Variants in NKAIN3 observed in about 807,000 individuals in gnomAD.
NKAIN3 encodes the protein sodium/potassium-transporting ATPase subunit beta-1-interacting protein 3.
NKAIN3 carries 25 observed loss-of-function variants against 30.2 expected under a neutral mutation model. The ratio of observed to expected loss-of-function variants is 0.83; its 90% CI spans 0.60 to 1.16. NKAIN3 has a LOEUF of 1.16. Ranked by LOEUF, NKAIN3 falls within the 50% of genes most tolerant of loss-of-function variation. The probability of loss-of-function intolerance (pLI) is 0.00; values close to 1 mark genes in which losing one functional copy is unlikely to be tolerated. For missense variants in NKAIN3, 225 were observed against 254.1 expected (o/e 0.89, Z 0.78); for synonymous variants, 91 against 89.6 (o/e 1.02, Z -0.09).
intron 3 of NKAIN3, among the ~76,000 whole-genome samples, chr8:62,727,769 A>G (rs1815307417): frequency 6.6e-6 from 1 of 152,196 alleles, no homozygotes; most frequent in Non-Finnish European, 1.5e-5. Context: ...AGTCTTTCCC[A>G]ACTTAGTCTA....
intron 3 of NKAIN3, among the ~76,000 whole-genome samples, chr8:62,602,963 C>T (rs1531658): frequency 6.6e-6 from 1 of 151,956 alleles, no homozygotes; most frequent in Non-Finnish European, 1.5e-5. Flanking sequence ...ACGTAAGCAT[C>T]ATTATCAAGA....
chr8:62,571,962 C>A (rs1403489002), intron 1 of NKAIN3, among the ~76,000 whole-genome samples: 1 of 152,242 alleles, frequency 6.6e-6, no homozygotes, highest in Non-Finnish European at 1.5e-5. Context: ...CTGACATGCC[C>A]TGGAGACATT....
rs372474727 is a variant in NKAIN3 at position 62,390,821 on chromosome 8, C to T, written c.54+141694C>T. ...GTTGAGCTTTTTTTCATATGATTGT[C>T]GGCCACATGTATGTTTTCTTTTGAA... On this transcript the variant is annotated intron_variant, in intron 1 of 6. Coordinates refer to ENST00000623646, the MANE Select transcript of NKAIN3 (RefSeq NM_001304533.3). 2.0e-4 allele frequency among the ~76,000 whole-genome samples: 31 copies of T among 152,158 alleles called. No individual in the cohort carries two copies. The South Asian group carries it at 2.5e-3, about 12-fold the overall frequency.
intron 4 of NKAIN3, among the ~76,000 whole-genome samples, chr8:62,766,913 C>T (rs1436255882): frequency 6.6e-6 from 1 of 151,570 alleles, no homozygotes; most frequent in East Asian, 1.9e-4. Context: ...CAGCCCCACC[C>T]CCCGACCCCG....
chr8:62,722,879 C>T (rs1448414337), intron 3 of NKAIN3, among the ~76,000 whole-genome samples: 3 of 152,132 alleles, frequency 2.0e-5, no homozygotes, highest in African/African-American at 4.8e-5. Context: ...ATCATTGTCT[C>T]TGAAACTTCC....
At chr8:62,613,373 G>C (rs1433214295) in intron 3 of NKAIN3, among the ~76,000 whole-genome samples, 2 of 152,126 alleles carry the variant, frequency 1.3e-5, no homozygotes, top group Admixed American at 1.3e-4. Context: ...GGTTTTCACT[G>C]AAAAGTCTGC....
intron 3 of NKAIN3, among the ~76,000 whole-genome samples, chr8:62,664,929 C>G (rs963587480): frequency 2.6e-5 from 4 of 152,210 alleles, no homozygotes; most frequent in Non-Finnish European, 5.9e-5. Flanking sequence ...TGAGCTTACG[C>G]TGACGACATC....
intron 1 of NKAIN3, among the ~76,000 whole-genome samples, chr8:62,300,070 A>G (rs1813991490): frequency 6.6e-6 from 1 of 152,082 alleles, no homozygotes; most frequent in African/African-American, 2.4e-5. Flanking sequence ...CACGTCCTAT[A>G]GTAGCTGTAA....
At position 62,739,046 on chromosome 8, in the gene NKAIN3, A is replaced by G. The variant is rs201282797; in HGVS notation, c.274-7886A>G. ...AACCAAACACCACATATTCTCACTCATAAGTGCAATTGAACAATGAGAACA... is the reference window on the plus strand; with the variant it reads ...AACCAAACACCACATATTCTCACTCGTAAGTGCAATTGAACAATGAGAACA... On this transcript the variant is annotated intron_variant, in intron 3 of 6. Coordinates refer to ENST00000623646, the MANE Select transcript of NKAIN3 (RefSeq NM_001304533.3). Among the ~76,000 whole-genome samples, 5 of 152,308 alleles carry G rather than the reference A, an allele frequency of 3.3e-5. No homozygotes were observed. In the East Asian group the frequency reaches 9.6e-4, roughly 29 times the overall value.
At chr8:62,712,362 G>T (rs972746934) in intron 3 of NKAIN3, among the ~76,000 whole-genome samples, 5 of 152,134 alleles carry the variant, frequency 3.3e-5, no homozygotes, top group East Asian at 3.9e-4. Context: ...TCAGGTGGGG[G>T]TTGGGGTAGG....
chr8:62,401,013 T>TTCTCTCTCTCTCTCTCTCTCTC lies in NKAIN3; in HGVS notation c.54+151892_54+151893insTCTCTCTCTCTCTCTCTCTCTC, dbSNP rs71559370. ...ATTCTTTTGATTAAACTTTCTACCT[T>TTCTCTCTCTCTCTCTCTCTCTC]TCTCTCACTCTCTCTCTCTCTCTCT... On this transcript the variant is annotated intron_variant, in intron 1 of 6. Coordinates refer to ENST00000623646, the MANE Select transcript of NKAIN3 (RefSeq NM_001304533.3). 3.0e-3 allele frequency among the ~76,000 whole-genome samples: 425 copies of TTCTCTCTCTCTCTCTCTCTCTC among 143,808 alleles called. 9 individuals are homozygous for TTCTCTCTCTCTCTCTCTCTCTC. Among genetic ancestry groups the TTCTCTCTCTCTCTCTCTCTCTC allele is most frequent in the Middle Eastern group, 0.011 (3 of 284 alleles). The allele number at this position is 143,808 out of a possible 152,430, so 94.3% of individuals were successfully genotyped here. A position where few individuals can be genotyped will look rare whatever the true frequency, so the allele number is the denominator to read the frequency against.
chr8:62,264,959 AC>A (rs1812559873), intron 1 of NKAIN3, among the ~76,000 whole-genome samples: 1 of 151,950 alleles, frequency 6.6e-6, no homozygotes, highest in Non-Finnish European at 1.5e-5. Flanking sequence ...GACCTTTTCC[AC>A]CCATATGGCT....
intron 3 of NKAIN3, among the ~76,000 whole-genome samples, chr8:62,593,222 T>C (rs1338949182): frequency 2.0e-5 from 3 of 151,964 alleles, no homozygotes; most frequent in Non-Finnish European, 4.4e-5. Context: ...ATGACTGAAA[T>C]AATACAGATA....
intron 4 of NKAIN3, among the ~76,000 whole-genome samples, chr8:62,908,434 A>G (rs966535900): frequency 6.6e-6 from 1 of 152,076 alleles, no homozygotes; most frequent in African/African-American, 2.4e-5. Context: ...TGAGGACATG[A>G]GATTTGGTAG....
At chr8:62,296,656 A>C (rs1813840647) in intron 1 of NKAIN3, among the ~76,000 whole-genome samples, 1 of 152,148 alleles carries the variant, frequency 6.6e-6, no homozygotes, top group Admixed American at 6.6e-5. Flanking sequence ...TGTGAGAGAC[A>C]CTATGTTAGA....
intron 1 of NKAIN3, among the ~76,000 whole-genome samples, chr8:62,399,514 AAG>A (rs369784532): frequency 2.6e-5 from 4 of 151,824 alleles, no homozygotes; most frequent in Non-Finnish European, 2.9e-5. Flanking sequence ...CAAAAGAAAA[AAG>A]AGAGAGAGAG....
chr8:62,772,941 G>C (rs1244670373), intron 4 of NKAIN3, among the ~76,000 whole-genome samples: 2 of 152,090 alleles, frequency 1.3e-5, no homozygotes, highest in African/African-American at 4.8e-5. Context: ...TTACAGGTGT[G>C]AGCAACCACG....
intron 1 of NKAIN3, among the ~76,000 whole-genome samples, chr8:62,559,215 C>CT (rs560039427): frequency 6.6e-6 from 1 of 151,618 alleles, no homozygotes; most frequent in African/African-American, 2.4e-5. Context: ...CTGTAGTATA[C>CT]TTTTTTTTAT....
chr8:62,545,014 C>G (rs1163077825), intron 1 of NKAIN3, among the ~76,000 whole-genome samples: 1 of 152,060 alleles, frequency 6.6e-6, no homozygotes, highest in African/African-American at 2.4e-5. Context: ...GTTCTTCAGC[C>G]TCATAGGCTG....
Sources: allele counts gnomAD v4.1 joint callset (sites outside exome capture counted in the v4.1 genomes callset), GRCh38; gene constraint gnomAD v4.1.1; transcripts MANE v1.5; gene names NCBI Gene and HGNC (gene_info 2026-07-23, HGNC 2026-07-21).